CYRIB: variants seen among roughly 807,000 people sequenced by gnomAD.
CYRIB encodes CYFIP-related Rac1 interactor B.
CYRIB carries 8 observed loss-of-function variants against 44.2 expected under a neutral mutation model. That is an observed-to-expected ratio of 0.18 (90% CI 0.11 to 0.33). The LOEUF (loss-of-function observed/expected upper bound fraction) is 0.33. Among genes scored for constraint, CYRIB ranks in the 10% least tolerant of loss-of-function variants. The pLI is 1.00. For missense variants in CYRIB, 185 were observed against 382.8 expected, an observed-to-expected ratio of 0.48 and a Z score of 4.31; for synonymous variants, 131 against 127.2, an observed-to-expected ratio of 1.03 and a Z score of -0.20.
chr8:129,986,196 G>C (rs141451753), intron 1 of CYRIB, among the ~76,000 whole-genome samples: 98 of 152,340 alleles, frequency 6.4e-4, no homozygotes, highest in African/African-American at 2.2e-3. Flanking sequence ...ATTCAGAAGA[G>C]GGACAAGGTT....
chr8:129,859,051 G>A (rs370230647), intron 5 of CYRIB, among the ~76,000 whole-genome samples: 8 of 152,258 alleles, frequency 5.3e-5, no homozygotes, highest in South Asian at 4.1e-4. Flanking sequence ...CGCAGAGACC[G>A]GTAGTGGCCC....
intron 1 of CYRIB, among the ~76,000 whole-genome samples, chr8:129,913,251 G>A (rs751726223): frequency 5.9e-5 from 9 of 152,102 alleles, no homozygotes; most frequent in South Asian, 2.1e-4. Context: ...GATTACAGGC[G>A]TGAGCCACCC....
intron 1 of CYRIB, among the ~76,000 whole-genome samples, chr8:129,991,955 A>AAAAC (rs2096644593): frequency 6.8e-6 from 1 of 146,190 alleles, no homozygotes; most frequent in Non-Finnish European, 1.5e-5. Context: ...AAAAAAAAAA[A>AAAAC]AAAAAAAAAA....
intron 1 of CYRIB, among the ~76,000 whole-genome samples, chr8:129,936,976 G>A (rs1303587310): frequency 6.6e-6 from 1 of 152,114 alleles, no homozygotes; most frequent in Non-Finnish European, 1.5e-5. Context: ...CAAAGTGTTG[G>A]GATTACAGGC....
intron 1 of CYRIB, among the ~76,000 whole-genome samples, chr8:129,919,550 T>C (rs1362022067): frequency 1.3e-5 from 2 of 152,130 alleles, no homozygotes; most frequent in African/African-American, 2.4e-5. Context: ...TAAACTGCTA[T>C]GGGAAAACAG....
intron 4 of CYRIB, among the ~76,000 whole-genome samples, chr8:129,867,679 G>C (rs1241674931): frequency 6.6e-6 from 1 of 152,008 alleles, no homozygotes; most frequent in East Asian, 1.9e-4. Context: ...TTTTAGCTGT[G>C]TATCAGACAC....
chr8:129,897,752 T>G (rs1212040688), intron 2 of CYRIB, among the ~76,000 whole-genome samples: 1 of 151,624 alleles, frequency 6.6e-6, no homozygotes, highest in South Asian at 2.1e-4. Context: ...CTGGGCAACA[T>G]AGCGAAACTC....
intron 2 of CYRIB, among the ~76,000 whole-genome samples, chr8:129,880,768 A>G (rs1352025011): frequency 6.6e-6 from 1 of 152,228 alleles, no homozygotes; most frequent in Non-Finnish European, 1.5e-5. Context: ...TTTGAGGCAT[A>G]TATTTCTCAA....
intron 8 of CYRIB, 91 bp downstream of exon 10, chr8:129,852,071 G>T: frequency 1.4e-6 from 1 of 715,994 alleles, no homozygotes; most frequent in Non-Finnish European, 2.2e-6. Flanking sequence ...TTGGTTTCAA[G>T]ATGGTATTTA....
chr8:129,945,783 G>A (rs1346126816), intron 2 of CYRIB, among the ~76,000 whole-genome samples: 1 of 152,132 alleles, frequency 6.6e-6, no homozygotes, highest in African/African-American at 2.4e-5. Context: ...ATGTTGGCCA[G>A]ACTGGTGTTA....
At chr8:129,950,077 TTAAA>T (rs2094424217) in intron 2 of CYRIB, among the ~76,000 whole-genome samples, 2 of 152,230 alleles carry the variant, frequency 1.3e-5, no homozygotes, top group Admixed American at 6.5e-5. Flanking sequence ...TGGTAAACTC[TTAAA>T]TAAATGTATG....
intron 1 of CYRIB, among the ~76,000 whole-genome samples, chr8:130,007,724 C>T (rs1305830855): frequency 6.6e-6 from 1 of 152,070 alleles, no homozygotes; most frequent in African/African-American, 2.4e-5. Flanking sequence ...ACGGAGGTTG[C>T]GCTGAGCCGA....
chr8:129,910,477 CTTTTTTTT>C (rs1171288097), intron 1 of CYRIB, among the ~76,000 whole-genome samples: 200 of 110,652 alleles, frequency 1.8e-3, no homozygotes, highest in African/African-American at 6.0e-3. Flanking sequence ...CCTTCTTTCA[CTTTTTTTT>C]TTTTTTTTTT....
At chr8:129,865,493 G>C (rs2052996927) in intron 4 of CYRIB, among the ~76,000 whole-genome samples, 1 of 152,196 alleles carries the variant, frequency 6.6e-6, no homozygotes, top group Non-Finnish European at 1.5e-5. Context: ...GACTCAAATA[G>C]AATCCACATT....
At chr8:129,889,798 C>CTTT (rs112004277) in intron 2 of CYRIB, among the ~76,000 whole-genome samples, 1 of 144,064 alleles carries the variant, frequency 6.9e-6, no homozygotes. Context: ...GGTTTCTTTC[C>CTTT]TTTTTTTTTT....
chr8:129,882,127 C>T (rs986324743), intron 2 of CYRIB, among the ~76,000 whole-genome samples: 1 of 152,126 alleles, frequency 6.6e-6, no homozygotes. Context: ...AAAATTGGAA[C>T]TACAGATGAA....
At chr8:129,905,090 G>A (rs1273811416) in intron 1 of CYRIB, among the ~76,000 whole-genome samples, 2 of 152,180 alleles carry the variant, frequency 1.3e-5, no homozygotes, top group Non-Finnish European at 2.9e-5. Context: ...AGGGCTATAC[G>A]TGCATGAACC....
intron 8 of CYRIB, 91 bp from the exon 11 acceptor site, chr8:129,851,005 G>A: frequency 1.2e-6 from 1 of 833,626 alleles, no homozygotes; most frequent in Non-Finnish European, 1.9e-6. Flanking sequence ...TGAAAAATTA[G>A]CAACTTTAAA....
intron 4 of CYRIB, among the ~76,000 whole-genome samples, chr8:129,869,166 A>T (rs1006680207): frequency 2.0e-5 from 3 of 151,684 alleles, no homozygotes; most frequent in African/African-American, 7.3e-5. Flanking sequence ...TGGGTGGATC[A>T]CATGAGGTCA....
Sources: gnomAD v4.1 joint callset for allele counts (sites outside exome capture counted in the v4.1 genomes callset) on GRCh38, gnomAD v4.1.1 for gene constraint, MANE v1.5 for transcripts, NCBI Gene and HGNC (gene_info 2026-07-23, HGNC 2026-07-21) for gene names.